KRT73: variants seen among roughly 807,000 people sequenced by gnomAD.
KRT73 encodes the protein keratin 73.
KRT73 carries 44 observed loss-of-function variants against 47.2 expected under a neutral mutation model. That is an observed-to-expected ratio of 0.93 (90% CI 0.73 to 1.20). KRT73 has a LOEUF of 1.20. Ranked by LOEUF, KRT73 falls within the 50% of genes most tolerant of loss-of-function variation. The probability of loss-of-function intolerance (pLI) is 0.00; values close to 1 mark genes in which losing one functional copy is unlikely to be tolerated. For missense variants in KRT73, 713 were observed against 704.5 expected, an observed-to-expected ratio of 1.01 and a Z score of -0.14; for synonymous variants, 285 against 291.3, an observed-to-expected ratio of 0.98 and a Z score of 0.22.
chr12:52,609,190 C>T, intron 8 of KRT73, 57 bp downstream of exon 8: 2 of 1,514,170 alleles, frequency 1.3e-6, no homozygotes, highest in Non-Finnish European at 1.8e-6. Flanking sequence ...GGACACCCAC[C>T]CACTTTGTGT....
Position 52,613,770 on chromosome 12 carries a change from C to T in KRT73, c.902G>A (p.Ser301Asn). The T allele has an allele frequency of 1.2e-6, 2 of 1,614,258 alleles. No individual in the cohort carries two copies. The highest frequency in any genetic ancestry group is 1.7e-6 in the Non-Finnish European group (2 of 1,180,046). ...MDNNRNLDLDSIIAEVRAQYE... is the reference protein window; with the variant it reads ...MDNNRNLDLDNIIAEVRAQYE... ...CTGGGCACGGACCTCAGCAATGATGCTGTCCAGGTCCAGGTTCCGGTTGTT... is the reference window on the plus strand; with the variant it reads ...CTGGGCACGGACCTCAGCAATGATGTTGTCCAGGTCCAGGTTCCGGTTGTT... Residue 301 changes from serine to asparagine, a missense_variant, in exon 5 of 9, where the codon AGC becomes AAC. Physicochemically the swap from Ser to Asn is conservative, Grantham distance 46. Transcript: ENST00000305748.
At position 52,611,482 on chromosome 12, in the gene KRT73, T is replaced by A. The variant is rs546323293; in HGVS notation, c.985-153A>T. 13 of 806,482 alleles carry A rather than the reference T, an allele frequency of 1.6e-5. No homozygotes were observed. The African/African-American group carries it at 1.9e-4, about 12-fold the overall frequency. The allele number at this position is 806,482 out of a possible 1,614,324, so 50.0% of individuals were successfully genotyped here. ...CTATCAGCAGCCTCCCATTAAAGCA[T>A]TGGGCCATTGCATTTGCTTGCCTTA... On this transcript the variant is annotated intron_variant, in intron 5 of 8. Coordinates refer to ENST00000305748, the MANE Select transcript of KRT73 (RefSeq NM_175068.3).
rs773358148 is a variant in KRT73, at chr12:52,616,343, G to T, written c.485C>A (p.Thr162Asn). 4.3e-6 allele frequency: 7 copies of T among 1,614,032 alleles called. No homozygotes were observed. Among genetic ancestry groups the T allele is most frequent in the African/African-American group, 1.3e-5 (1 of 74,912 alleles). Residue 162 changes from threonine (T) to asparagine (N), a missense_variant, in exon 2 of 9, where the codon ACC (threonine) becomes AAC (asparagine). Thr to Asn is a moderately conservative substitution (Grantham distance 65). Transcript: ENST00000305748. ...FLEQQNQVLE[T>N]KWELLQQLDL... ...CAGCTGCTGTAGCAGCTCCCACTTG[G>T]TCTCCAGCACCTGGTTCTGCTGCTC... is the stretch of plus-strand genomic sequence containing the variant.
rs772407406 is a variant in KRT73 at position 52,614,564 on chromosome 12, C to T, written c.819+15G>A. The T allele has an allele frequency of 1.3e-6, 2 of 1,598,924 alleles. No individual in the cohort carries two copies. Among genetic ancestry groups the T allele is most frequent in the South Asian group, 1.1e-5 (1 of 90,016 alleles). On this transcript the variant is annotated intron_variant, in intron 4 of 8. Coordinates refer to ENST00000305748, the MANE Select transcript of KRT73 (RefSeq NM_175068.3). ...CCAGAAGACAGAGCCAGAGGTGGGG[C>T]AGGGGGAGCCTTACCCCCTCGTACA... is the stretch of plus-strand genomic sequence containing the variant.
At chr12:52,616,480 A>G in intron 1 of KRT73, 100 bp from the exon 2 acceptor site, 2 of 1,449,296 alleles carry the variant, frequency 1.4e-6, no homozygotes, top group Non-Finnish European at 1.9e-6. Context: ...ATTAGCTTTA[A>G]AAATGAGCCT....
intron 2 of KRT73, among the ~76,000 whole-genome samples, chr12:52,615,854 G>A (rs1038119687): frequency 2.0e-5 from 3 of 152,122 alleles, no homozygotes; most frequent in African/African-American, 7.2e-5. Context: ...TGGGTGGGGG[G>A]TGGTTCTTTG....
chr12:52,610,198 C>T (rs1000875914), intron 7 of KRT73: 5 of 210,514 alleles, frequency 2.4e-5, no homozygotes, highest in South Asian at 8.3e-5. Flanking sequence ...GACTCAGCCT[C>T]CCAAGTAGCT....
chr12:52,618,051 AG>A, intron 1 of KRT73, 26 bp downstream of exon 1: 1 of 1,608,700 alleles, frequency 6.2e-7, no homozygotes, highest in Non-Finnish European at 8.5e-7. Context: ...GGGGAGCCCA[AG>A]ATCAGCTTTC....
At chr12:52,615,218 C>G in intron 3 of KRT73, 61 bp downstream of exon 3, 3 of 1,436,436 alleles carry the variant, frequency 2.1e-6, no homozygotes, top group Non-Finnish European at 2.9e-6. Context: ...TCAGCTGCTC[C>G]TCTCTCTTAG....
Position 52,616,151 on chromosome 12 carries a change from T to C in KRT73, c.662+15A>G, listed in dbSNP as rs1372351451. 6.2e-7 allele frequency: 1 copy of C among 1,613,524 alleles called. No homozygotes were observed. Among genetic ancestry groups the C allele is most frequent in the Non-Finnish European group, 8.5e-7 (1 of 1,179,660 alleles). On this transcript the variant is annotated intron_variant, in intron 2 of 8. Transcript: ENST00000305748. ...CCCTGGGAGGCAGACCAGCCTGGAG[T>C]GGCGTCCTGCTCACCTCTTCTTGTA...
At chr12:52,630,342 A>G in the KRT73 span, among the ~76,000 whole-genome samples, 1 of 152,186 alleles carries the variant, frequency 6.6e-6, no homozygotes, top group Non-Finnish European at 1.5e-5. Context: ...CTGGCCCTCC[A>G]GGGCCACCTT....
intron 5 of KRT73, among the ~76,000 whole-genome samples, chr12:52,611,713 C>T (rs1483232767): frequency 6.6e-6 from 1 of 152,132 alleles, no homozygotes; most frequent in Non-Finnish European, 1.5e-5. Context: ...TATCTGACTC[C>T]CAAGCTCGGC....
At position 52,608,214 on chromosome 12, in the gene KRT73, G is replaced by A. The variant is rs1273810064; in HGVS notation, c.1605C>T (p.Thr535=). 6.2e-7 allele frequency: 1 copy of A among 1,609,270 alleles called. No homozygotes were observed. Among genetic ancestry groups the A allele is most frequent in the Non-Finnish European group, 8.5e-7 (1 of 1,178,236 alleles). The change falls in exon 9 of 9, where the codon ACC becomes ACT. Residue 535 remains threonine, a synonymous_variant. Transcript: ENST00000305748. The part of the protein sequence containing the change: ...QGKTLALSSP[T]KKTMR The stretch of plus-strand genomic sequence containing the variant: ...TGCACTTTTATCTCATGGTTTTTTT[G>A]GTGGGTGAGCTTAGAGCTAAGGTCT...
At chr12:52,609,096 G>C (rs1940642189) in intron 8 of KRT73, 151 bp downstream of exon 8, 1 of 700,346 alleles carries the variant, frequency 1.4e-6, no homozygotes, top group Non-Finnish European at 2.6e-6. Context: ...GAATGGGGAG[G>C]CCGCAGGTCT....
At chr12:52,627,770 C>T in the KRT73 span, among the ~76,000 whole-genome samples, 4 of 152,294 alleles carry the variant, frequency 2.6e-5, no homozygotes, top group East Asian at 7.7e-4. Flanking sequence ...AAAACGGAAG[C>T]TGAGTTTTCC....
chr12:52,615,994 GC>G (rs1216641421), intron 2 of KRT73, among the ~76,000 whole-genome samples, 171 bp downstream of exon 2: 2 of 152,190 alleles, frequency 1.3e-5, no homozygotes, highest in Non-Finnish European at 2.9e-5. Context: ...CCCTGACGCT[GC>G]CCAAGAGGCT....
At chr12:52,619,839 A>G (rs1321739401), upstream of KRT73, among the ~76,000 whole-genome samples, 1 of 152,196 alleles carries the variant, frequency 6.6e-6, no homozygotes, top group Non-Finnish European at 1.5e-5. Flanking sequence ...AATTTCCTCC[A>G]TAAAAACACA....
chr12:52,620,088 T>C (rs648509), upstream of KRT73, among the ~76,000 whole-genome samples: 116,585 of 147,592 alleles, frequency 0.79, 46,985 homozygotes, highest in African/African-American at 0.95. Flanking sequence ...TTAGCTAACA[T>C]GAAGTTCTAT....
chr12:52,614,458 C>A, intron 4 of KRT73, 121 bp downstream of exon 4: 1 of 770,852 alleles, frequency 1.3e-6, no homozygotes, highest in Non-Finnish European at 2.0e-6. Flanking sequence ...CTACAAATTT[C>A]TCAGCACCCC....
Sources: gnomAD v4.1 joint callset for allele counts (sites outside exome capture counted in the v4.1 genomes callset) on GRCh38, gnomAD v4.1.1 for gene constraint, MANE v1.5 for transcripts, NCBI Gene and HGNC (gene_info 2026-07-23, HGNC 2026-07-21) for gene names.